Variants in PCDH11X observed in about 807,000 individuals in gnomAD.
The protein encoded by PCDH11X is protocadherin 11 X-linked, also known as protocadherin-11 X-linked.
PCDH11X carries 18 observed loss-of-function variants against 53.3 expected under a neutral mutation model. That is an observed-to-expected ratio of 0.34 (90% CI 0.23 to 0.50). The LOEUF (loss-of-function observed/expected upper bound fraction) is 0.50, where lower values mean the gene tolerates loss of function less well. PCDH11X is among the 20% of genes least tolerant of loss of function. PCDH11X has a pLI of 0.98. For missense variants in PCDH11X, 570 were observed against 1,032.4 expected (o/e 0.55, Z 6.14); for synonymous variants, 279 against 393.3 (o/e 0.71, Z 3.44).
At chrX:91,884,415 A>C (rs1287426861) in intron 6 of PCDH11X, among the ~76,000 whole-genome samples, 2 of 110,792 alleles carry the variant, frequency 1.8e-5, no homozygotes, top group Non-Finnish European at 3.8e-5. Flanking sequence ...TTGAGATAGG[A>C]GATTTCAAAA....
chrX:92,527,062 A>G (rs890409393), intron 10 of PCDH11X, among the ~76,000 whole-genome samples: 2 of 111,696 alleles, frequency 1.8e-5, no homozygotes, highest in Admixed American at 1.9e-4. Context: ...GGATCTAAAA[A>G]TAAAATCAAT....
At chrX:91,808,405 C>G (rs1300177756) in intron 1 of PCDH11X, among the ~76,000 whole-genome samples, 1 of 108,351 alleles carries the variant, frequency 9.2e-6, no homozygotes, top group Non-Finnish European at 1.9e-5. Flanking sequence ...TGAGGCAGGA[C>G]AATTGCTTGA....
intron 8 of PCDH11X, among the ~76,000 whole-genome samples, chrX:92,271,483 G>A (rs1007152080): frequency 8.9e-6 from 1 of 111,894 alleles, no homozygotes; most frequent in Non-Finnish European, 1.9e-5. Context: ...GGGCTCAAAG[G>A]TCCCGTTACA....
intron 9 of PCDH11X, among the ~76,000 whole-genome samples, chrX:92,450,046 A>G (rs750548774): frequency 1.8e-5 from 2 of 111,511 alleles, no homozygotes; most frequent in South Asian, 7.5e-4. Flanking sequence ...AATGGTAAAG[A>G]TAAAGTCAAT....
At chrX:92,063,803 C>T (rs775796146) in intron 6 of PCDH11X, among the ~76,000 whole-genome samples, 9 of 110,828 alleles carry the variant, frequency 8.1e-5, no homozygotes, top group African/African-American at 1.6e-4. Context: ...TGTTTCTGGA[C>T]GATTTTAGGG....
At chrX:92,495,907 C>T (rs1300698113) in intron 10 of PCDH11X, among the ~76,000 whole-genome samples, 1 of 104,847 alleles carries the variant, frequency 9.5e-6, no homozygotes, top group Non-Finnish European at 1.9e-5. Flanking sequence ...TCCCACAACA[C>T]ATGGAAATTA....
At chrX:92,351,223 T>A (rs767307720) in intron 8 of PCDH11X, among the ~76,000 whole-genome samples, 1 of 112,100 alleles carries the variant, frequency 8.9e-6, no homozygotes, top group African/African-American at 3.2e-5. Flanking sequence ...TATAAACTAT[T>A]CCATCAATTT....
chrX:91,930,229 AG>A (rs1324547519), intron 6 of PCDH11X, among the ~76,000 whole-genome samples: 11 of 108,631 alleles, frequency 1.0e-4, no homozygotes, highest in Non-Finnish European at 1.7e-4. Flanking sequence ...AAAAATTGGT[AG>A]TAATAGGTAG....
At chrX:92,285,246 ATTTTTTTT>A (rs36047305) in intron 8 of PCDH11X, among the ~76,000 whole-genome samples, 7 of 40,774 alleles carry the variant, frequency 1.7e-4, no homozygotes, top group African/African-American at 4.2e-4. Flanking sequence ...AGACTGTAGA[ATTTTTTTT>A]TTTTTTTTTT....
chrX:91,984,869 T>A (rs1277481386), intron 6 of PCDH11X, among the ~76,000 whole-genome samples: 2 of 111,354 alleles, frequency 1.8e-5, no homozygotes, highest in Admixed American at 1.9e-4. Context: ...GGGGATCTCA[T>A]TTCCAAATTC....
At chrX:92,596,969 C>A (rs1390322203) in intron 10 of PCDH11X, among the ~76,000 whole-genome samples, 3 of 110,953 alleles carry the variant, frequency 2.7e-5, no homozygotes, top group African/African-American at 9.8e-5. Flanking sequence ...CAATTGAAGT[C>A]AAAATAATTA....
At chrX:92,419,290 C>CT (rs1203709472) in intron 9 of PCDH11X, among the ~76,000 whole-genome samples, 4 of 67,161 alleles carry the variant, frequency 6.0e-5, no homozygotes, top group East Asian at 5.6e-4. Context: ...TTTTTTTTGT[C>CT]TTTTTTTTTC....
intron 6 of PCDH11X, among the ~76,000 whole-genome samples, chrX:92,012,029 C>T (rs772771759): frequency 9.0e-6 from 1 of 110,840 alleles, no homozygotes; most frequent in South Asian, 3.8e-4. Flanking sequence ...ATAGTTTTTT[C>T]AAAAGTCAAT....
chrX:92,285,000 T>C (rs1382207326), intron 8 of PCDH11X, among the ~76,000 whole-genome samples: 1 of 111,269 alleles, frequency 9.0e-6, no homozygotes, highest in Non-Finnish European at 1.9e-5. Context: ...TTCCACTTTT[T>C]CCCTCTGTTT....
At chrX:91,947,893 T>G (rs952148204) in intron 6 of PCDH11X, among the ~76,000 whole-genome samples, 1 of 104,757 alleles carries the variant, frequency 9.5e-6, no homozygotes, top group Non-Finnish European at 2.0e-5. Context: ...ATTTCAAAAA[T>G]CAGATCTAAT....
At chrX:92,004,273 G>T (rs2062559496) in intron 6 of PCDH11X, among the ~76,000 whole-genome samples, 1 of 111,788 alleles carries the variant, frequency 8.9e-6, no homozygotes, top group African/African-American at 3.2e-5. Flanking sequence ...TTTTTTGAAT[G>T]TCTTAAGACA....
At chrX:92,270,631 G>T (rs1428855941) in intron 8 of PCDH11X, among the ~76,000 whole-genome samples, 1 of 111,761 alleles carries the variant, frequency 8.9e-6, no homozygotes, top group East Asian at 2.8e-4. Flanking sequence ...GGGAAGAGCT[G>T]GCTGGAGGGG....
rs375456049 is a variant in PCDH11X at position 92,383,533 on chromosome X, T to G, written c.3145-4202T>G. 4.6e-4 allele frequency among the ~76,000 whole-genome samples: 51 copies of G among 110,526 alleles called. No homozygotes were observed. In the East Asian group the frequency reaches 0.013, roughly 28 times the overall value. On this transcript the variant is annotated intron_variant, in intron 8 of 10. Coordinates refer to ENST00000682573, the MANE Select transcript of PCDH11X (RefSeq NM_032968.5). Reference sequence around the variant, plus strand: ...ATGTTTCCCTCCCTGTGTCCATATGTTCTCATTGTTCAACTCCCACTTAAG... The same window carrying G: ...ATGTTTCCCTCCCTGTGTCCATATGGTCTCATTGTTCAACTCCCACTTAAG...
chrX:91,966,857 G>A (rs1160428843), intron 6 of PCDH11X, among the ~76,000 whole-genome samples: 3 of 110,213 alleles, frequency 2.7e-5, no homozygotes, highest in African/African-American at 9.9e-5. Context: ...TGCAGACCGT[G>A]CAGGTTTGTC....
Sources: gnomAD v4.1 joint callset for allele counts (sites outside exome capture counted in the v4.1 genomes callset) on GRCh38, gnomAD v4.1.1 for gene constraint, MANE v1.5 for transcripts, NCBI Gene and HGNC (gene_info 2026-07-23, HGNC 2026-07-21) for gene names.